The following KAT6B variants were observed in gnomAD, a reference collection of about 807,000 sequenced individuals.
KAT6B encodes lysine acetyltransferase 6B, also known as histone acetyltransferase KAT6B.
In KAT6B, 10 loss-of-function variants were observed where a neutral mutation model predicts 187.5. The ratio of observed to expected loss-of-function variants is 0.05; its 90% confidence interval spans 0.03 to 0.09. The LOEUF (loss-of-function observed/expected upper bound fraction) is 0.09. Ranked by LOEUF, KAT6B falls within the 10% of genes least tolerant of loss-of-function variation. KAT6B has a pLI of 1.00. For synonymous variants in KAT6B, 861 were observed against 926.8 expected, an observed-to-expected ratio of 0.93 and a Z score of 1.29; for missense variants, 1,952 against 2,558.9, an observed-to-expected ratio of 0.76 and a Z score of 5.12.
rs184476729 is a variant in KAT6B, at chr10:74,948,344, A to G, written c.622-11626A>G. Among the ~76,000 whole-genome samples, 426 of 152,386 alleles carry G rather than the reference A, an allele frequency of 2.8e-3. 5 individuals are homozygous for G. The highest frequency in any genetic ancestry group is 9.8e-3 in the African/African-American group (406 of 41,606). On this transcript the variant is annotated intron_variant, in intron 3 of 17. Transcript: ENST00000287239. The stretch of plus-strand genomic sequence containing the variant: ...ATATTAGTAACTTATTGAATAGCAC[A>G]TAACATCTCAACTGCCATGTAAATC...
chr10:75,009,947 G>T (rs548125919), intron 13 of KAT6B, among the ~76,000 whole-genome samples: 10 of 152,318 alleles, frequency 6.6e-5, no homozygotes, highest in African/African-American at 1.9e-4. Flanking sequence ...GTTGCAATGA[G>T]CCGAGATCAT....
intron 13 of KAT6B, among the ~76,000 whole-genome samples, chr10:74,999,897 G>A (rs1168856427): frequency 6.6e-6 from 1 of 152,222 alleles, no homozygotes; most frequent in East Asian, 1.9e-4. Flanking sequence ...CTGTTTGGTT[G>A]GGCGTAGCGT....
In KAT6B at chr10:75,030,630, G is replaced by T. The variant is rs372902605; in HGVS notation, c.5806G>T (p.Ala1936Ser). Residue 1936 changes from alanine (A) to serine (S), a missense_variant, in exon 18 of 18, where the codon GCT (alanine) becomes TCT (serine). By Grantham distance (99) the Ala-to-Ser change is moderately conservative. Coordinates refer to ENST00000287239, the MANE Select transcript of KAT6B (RefSeq NM_012330.4). This position sits in a 1 kb window ranked among gnomAD's most constrained non-coding sequence, Gnocchi z 4.8. ...CAAGTCAGCGTCTCTGTCACCAGCC[G>T]CTGCCACCCATCAGTCACAAATCTA... Reference protein sequence around the residue: ...RTKSASLSPAAATHQSQIYGR... With the variant: ...RTKSASLSPASATHQSQIYGR... The T allele has an allele frequency of 8.7e-6, 14 of 1,613,244 alleles. No individual in the cohort carries two copies. The Admixed American group carries it at 2.2e-4, about 25-fold the overall frequency.
intron 17 of KAT6B, among the ~76,000 whole-genome samples, chr10:75,028,176 T>A (rs1159435896): frequency 1.3e-5 from 2 of 152,186 alleles, no homozygotes; most frequent in Admixed American, 1.3e-4. Flanking sequence ...CAAATTGATT[T>A]TTTTTTTTAC....
chr10:74,894,873 A>G (rs1006200765), intron 3 of KAT6B, among the ~76,000 whole-genome samples: 13 of 152,172 alleles, frequency 8.5e-5, no homozygotes, highest in African/African-American at 3.1e-4. Context: ...TACTGCAGTG[A>G]ACATGGGTAA....
At chr10:74,945,193 C>T (rs1047863156) in intron 3 of KAT6B, among the ~76,000 whole-genome samples, 1 of 152,130 alleles carries the variant, frequency 6.6e-6, no homozygotes, top group African/African-American at 2.4e-5. Context: ...TAACATTAAA[C>T]GGAATAATCT....
chr10:74,914,030 C>G (rs1005135061), intron 3 of KAT6B, among the ~76,000 whole-genome samples: 3 of 151,684 alleles, frequency 2.0e-5, no homozygotes, highest in African/African-American at 4.8e-5. Flanking sequence ...TACTAAAATA[C>G]AAAAAATTAG....
At chr10:74,835,831 A>G (rs1297936470) in intron 1 of KAT6B, among the ~76,000 whole-genome samples, 1 of 152,120 alleles carries the variant, frequency 6.6e-6, no homozygotes, top group Non-Finnish European at 1.5e-5. Flanking sequence ...ATTGAGGTGA[A>G]ACTCACATAA....
At chr10:74,946,278 CTACTT>C (rs1194603445) in intron 3 of KAT6B, among the ~76,000 whole-genome samples, 1 of 152,122 alleles carries the variant, frequency 6.6e-6, no homozygotes, top group Non-Finnish European at 1.5e-5. Flanking sequence ...AGTTATATCT[CTACTT>C]TACTTCCTGA....
chr10:74,985,685 G>A (rs1443721838), intron 12 of KAT6B, among the ~76,000 whole-genome samples: 1 of 152,148 alleles, frequency 6.6e-6, no homozygotes, highest in Non-Finnish European at 1.5e-5. Context: ...AAAATGACTG[G>A]TTTTACACTT....
intron 16 of KAT6B, among the ~76,000 whole-genome samples, chr10:75,022,566 A>G (rs1452515032): frequency 6.6e-6 from 1 of 152,192 alleles, no homozygotes; most frequent in Non-Finnish European, 1.5e-5. Context: ...TCCAAGACCT[A>G]GAGGCCAGGA....
intron 3 of KAT6B, among the ~76,000 whole-genome samples, chr10:74,890,159 C>A (rs1355969422): frequency 6.6e-6 from 1 of 152,092 alleles, no homozygotes; most frequent in Non-Finnish European, 1.5e-5. Flanking sequence ...CTGCCTCAGC[C>A]TCCCCAGTAG....
intron 13 of KAT6B, among the ~76,000 whole-genome samples, chr10:74,991,153 C>G (rs1429280464): frequency 2.0e-5 from 3 of 152,122 alleles, no homozygotes; most frequent in Non-Finnish European, 4.4e-5. Context: ...ACACTCTGTT[C>G]ACCCTTTTAT....
Position 75,032,067 on chromosome 10 carries a change from A to C in KAT6B, c.*1021A>C, listed in dbSNP as rs978101363. 1 of 195,690 alleles carries C rather than the reference A, an allele frequency of 5.1e-6. No individual in the cohort carries two copies. The highest frequency in any genetic ancestry group is 1.1e-5 in the Non-Finnish European group (1 of 93,980). 12.1% of individuals were successfully genotyped at this position (195,690 alleles called of 1,614,324 possible). On this transcript the variant is annotated 3_prime_UTR_variant, in exon 18 of 18. Coordinates refer to ENST00000287239, the MANE Select transcript of KAT6B (RefSeq NM_012330.4). ...CAAATCGCATGTAAAAAAGCAAAAA[A>C]GTTATTTGTGTCTGTTTATATTGCT...
At chr10:74,831,859 A>G (rs1177594930) in intron 1 of KAT6B, among the ~76,000 whole-genome samples, 2 of 152,214 alleles carry the variant, frequency 1.3e-5, no homozygotes, top group Admixed American at 6.5e-5. Flanking sequence ...TAGCATGTCC[A>G]ATATCCCCTA....
intron 3 of KAT6B, among the ~76,000 whole-genome samples, chr10:74,917,319 G>T: frequency 6.6e-6 from 1 of 152,080 alleles, no homozygotes; most frequent in East Asian, 1.9e-4. Context: ...GAAATTCACT[G>T]GTATAATACC....
chr10:75,029,902 G>A lies in KAT6B; in HGVS notation c.5078G>A (p.Ser1693Asn), dbSNP rs763094005. 1.2e-6 allele frequency: 2 copies of A among 1,614,104 alleles called. No homozygotes were observed. The highest frequency in any genetic ancestry group is 4.5e-5 in the East Asian group (2 of 44,900). Residue 1693 changes from serine to asparagine, a missense_variant, in exon 18 of 18, where the codon AGC (serine) becomes AAC (asparagine). Ser to Asn is a conservative substitution (Grantham distance 46). Around this residue, in one of 9 missense-constraint regions of KAT6B, gnomAD observed 87 missense variants for 167.5 expected, o/e 0.52. Coordinates refer to ENST00000287239, the MANE Select transcript of KAT6B (RefSeq NM_012330.4). This position sits in a 1 kb window ranked among gnomAD's most constrained non-coding sequence, Gnocchi z 6.2. Reference protein sequence around the residue: ...PSSYDSTMGGSICGNGSSQNS... With the variant: ...PSSYDSTMGGNICGNGSSQNS... ...AGCTACGATTCTACTATGGGAGGCAGCATCTGTGGAAACGGCTCTTCACAG... is the reference window on the plus strand; with the variant it reads ...AGCTACGATTCTACTATGGGAGGCAACATCTGTGGAAACGGCTCTTCACAG...
chr10:74,986,406 G>A (rs570294746), intron 12 of KAT6B, among the ~76,000 whole-genome samples: 1 of 152,286 alleles, frequency 6.6e-6, no homozygotes, highest in East Asian at 1.9e-4. Flanking sequence ...GGTGATACAT[G>A]AATTTTAATG....
intron 3 of KAT6B, among the ~76,000 whole-genome samples, chr10:74,890,641 G>A (rs1378856772): frequency 1.3e-5 from 2 of 152,156 alleles, no homozygotes; most frequent in Admixed American, 1.3e-4. Context: ...GGAAGCAGTA[G>A]GAAGTAAAAT....
Sources: allele counts gnomAD v4.1 joint callset (sites outside exome capture counted in the v4.1 genomes callset), GRCh38; gene constraint gnomAD v4.1.1; regional missense constraint gnomAD v4.1.1; non-coding constraint Gnocchi (gnomAD v3.1); transcripts MANE v1.5; gene names NCBI Gene and HGNC (gene_info 2026-07-23, HGNC 2026-07-21).